Variants in TNKS1BP1 observed in about 807,000 individuals in gnomAD.
TNKS1BP1 encodes CCR4-NOT transcription complex subunit 12.
A neutral mutation model predicts 141.1 loss-of-function variants in TNKS1BP1; 48 were observed. The ratio of observed to expected loss-of-function variants is 0.34; its 90% CI spans 0.27 to 0.43. The LOEUF is 0.43. Among genes scored for constraint, TNKS1BP1 ranks in the 20% least tolerant of loss-of-function variants. The pLI, the probability that TNKS1BP1 is intolerant of heterozygous loss-of-function variation, is 1.00. For synonymous variants in TNKS1BP1, 875 were observed against 898.2 expected (o/e 0.97, Z 0.46); for missense variants, 2,149 against 2,226.0 (o/e 0.97, Z 0.70).
intron 4 of TNKS1BP1, among the ~76,000 whole-genome samples, chr11:57,316,063 T>A (rs1373697336): frequency 6.6e-6 from 1 of 152,194 alleles, no homozygotes; most frequent in African/African-American, 2.4e-5. Flanking sequence ...GTTCTTCTTG[T>A]CCCCTTCTCT....
At chr11:57,314,053 C>T (rs748587936) in intron 4 of TNKS1BP1, among the ~76,000 whole-genome samples, 164 bp from the exon 5 acceptor site, 18 of 152,156 alleles carry the variant, frequency 1.2e-4, no homozygotes, top group East Asian at 1.9e-4. Context: ...GCCCCACAGA[C>T]GACTCAAGGC....
chr11:57,312,496 G>A (rs1405255915), intron 5 of TNKS1BP1, 38 bp downstream of exon 5: 1 of 1,423,986 alleles, frequency 7.0e-7, no homozygotes. Flanking sequence ...CCTGGCCTCT[G>A]TCCCCAGAAG....
chr11:57,313,737 A>C lies in TNKS1BP1; in HGVS notation c.951T>G (p.Leu317=). ...PDKSSPCHSQ[L]LEAQTPEASQ... ...AAGCTTCAGGAGTCTGGGCTTCCAG[A>C]AGCTGTGAGTGGCAGGGAGAACTCT... Residue 317 remains leucine (L), a synonymous_variant, in exon 5 of 12, where the codon CTT becomes CTG. Coordinates refer to ENST00000358252, the MANE Select transcript of TNKS1BP1 (RefSeq NM_033396.3). 6.3e-7 allele frequency: 1 copy of C among 1,599,638 alleles called. No individual in the cohort carries two copies. The highest frequency in any genetic ancestry group is 8.5e-7 in the Non-Finnish European group (1 of 1,173,338).
chr11:57,301,935 C>T lies in TNKS1BP1; in HGVS notation c.4843G>A (p.Ala1615Thr), dbSNP rs778821904. ...HLFQDSTEPRASRVPSSDEEV... is the reference protein window; with the variant it reads ...HLFQDSTEPRTSRVPSSDEEV... ...TCATCTGAAGATGGCACCCGAGATG[C>T]CCGTGGCTCTGCAAAGGCCCGGGAA... Residue 1615 changes from alanine (A) to threonine (T), a missense_variant, in exon 9 of 12, where the codon GCA becomes ACA. Transcript: ENST00000358252. 1 of 1,613,778 alleles carries T rather than the reference C, an allele frequency of 6.2e-7. No homozygotes were observed. The highest frequency in any genetic ancestry group is 8.5e-7 in the Non-Finnish European group (1 of 1,179,788).
intron 10 of TNKS1BP1, 69 bp from the exon 11 acceptor site, chr11:57,300,669 T>C (rs577637022): frequency 6.9e-5 from 111 of 1,602,944 alleles, no homozygotes; most frequent in African/African-American, 6.2e-4. Flanking sequence ...GGAGACGTGA[T>C]AGGGACAGAA....
intron 1 of TNKS1BP1, chr11:57,322,340 C>G (rs1047797580): frequency 1.0e-6 from 1 of 986,984 alleles, no homozygotes; most frequent in African/African-American, 1.7e-5. Flanking sequence ...AATCACCTCA[C>G]GGGAGACGGG....
chr11:57,315,346 C>T (rs1337811269), intron 4 of TNKS1BP1, among the ~76,000 whole-genome samples: 2 of 152,004 alleles, frequency 1.3e-5, no homozygotes, highest in Non-Finnish European at 2.9e-5. Flanking sequence ...CCACTCCCCT[C>T]ATACCCTCAC....
In TNKS1BP1 at chr11:57,309,616, G is replaced by A; in HGVS notation, c.3095C>T (p.Thr1032Ile). 2 of 1,614,036 alleles carry A rather than the reference G, an allele frequency of 1.2e-6. No homozygotes were observed. The highest frequency in any genetic ancestry group is 1.1e-5 in the South Asian group (1 of 91,088). The change falls in exon 6 of 12, where the codon ACT becomes ATT. Residue 1032 changes from threonine to isoleucine, a missense_variant. Physicochemically the swap from Thr to Ile is moderately conservative, Grantham distance 89. Coordinates refer to ENST00000358252, the MANE Select transcript of TNKS1BP1 (RefSeq NM_033396.3). The surrounding 1 kb of genome is among the most constrained non-coding windows in gnomAD (Gnocchi z 4.3). ...GAGTGCCCCATCCGGCACGTGGGCA[G>A]TGCTAGGACTGAACAAGCCCCCGGA... The part of the protein sequence containing the change: ...RGSGGLFSPS[T>I]AHVPDGALGQ...
intron 2 of TNKS1BP1, 24 bp from the exon 3 acceptor site, chr11:57,320,736 G>A: frequency 6.5e-7 from 1 of 1,530,800 alleles, no homozygotes; most frequent in Non-Finnish European, 8.8e-7. Flanking sequence ...AGGGTTGGTG[G>A]GGGAGCTGTC....
intron 2 of TNKS1BP1, among the ~76,000 whole-genome samples, chr11:57,321,314 G>C (rs1855881734): frequency 6.6e-6 from 1 of 151,572 alleles, no homozygotes; most frequent in African/African-American, 2.4e-5. Flanking sequence ...ATCTGCTATG[G>C]GAAGAAAAAA....
chr11:57,322,677 C>G (rs1018110037), intron 1 of TNKS1BP1, among the ~76,000 whole-genome samples: 1 of 152,230 alleles, frequency 6.6e-6, no homozygotes, highest in Non-Finnish European at 1.5e-5. Flanking sequence ...CACTGGATTT[C>G]CAGGGCCTAG....
intron 1 of TNKS1BP1, among the ~76,000 whole-genome samples, chr11:57,323,105 G>A (rs140715111): frequency 4.0e-4 from 61 of 152,250 alleles, no homozygotes; most frequent in African/African-American, 1.3e-3. Context: ...AATAGGCTTA[G>A]CACAATGCCT....
chr11:57,322,140 C>G, intron 1 of TNKS1BP1, 190 bp from the exon 2 acceptor site: 1 of 1,054,510 alleles, frequency 9.5e-7, no homozygotes, highest in Non-Finnish European at 1.3e-6. Flanking sequence ...TTCAAAGATC[C>G]TCCCCAACTC....
chr11:57,321,341 A>G (rs1475695479), intron 2 of TNKS1BP1, among the ~76,000 whole-genome samples: 1 of 152,202 alleles, frequency 6.6e-6, no homozygotes, highest in Non-Finnish European at 1.5e-5. Context: ...AGGACCAGAA[A>G]TCTACCTTCT....
At chr11:57,307,982 G>A (rs1363243819) in intron 6 of TNKS1BP1, among the ~76,000 whole-genome samples, 1 of 152,194 alleles carries the variant, frequency 6.6e-6, no homozygotes, top group Non-Finnish European at 1.5e-5. Flanking sequence ...GGTGGCCCCA[G>A]CCAAGAAGAC....
chr11:57,318,427 G>C (rs899793570), intron 3 of TNKS1BP1, among the ~76,000 whole-genome samples: 4 of 152,196 alleles, frequency 2.6e-5, no homozygotes, highest in African/African-American at 7.2e-5. Flanking sequence ...CCTGGTCTGG[G>C]ACAGGCAAAG....
At chr11:57,318,149 C>T (rs981788950) in intron 3 of TNKS1BP1, among the ~76,000 whole-genome samples, 3 of 152,214 alleles carry the variant, frequency 2.0e-5, no homozygotes, top group African/African-American at 4.8e-5. Context: ...GGAAAAGCAT[C>T]CTGGATGCCC....
intron 6 of TNKS1BP1, among the ~76,000 whole-genome samples, chr11:57,304,636 A>ACTGC (rs1289094520): frequency 1.3e-5 from 2 of 152,106 alleles, no homozygotes; most frequent in Admixed American, 6.5e-5. Flanking sequence ...TTGGGAGGCC[A>ACTGC]AAACAGGCGG....
chr11:57,321,743 T>TGGGGGCC, intron 2 of TNKS1BP1, 49 bp downstream of exon 2: 2 of 1,186,778 alleles, frequency 1.7e-6, no homozygotes, highest in Non-Finnish European at 2.5e-6. Flanking sequence ...GCCTCTGTCC[T>TGGGGGCC]TCCCACCCCC....
Sources: gnomAD v4.1 joint callset for allele counts (sites outside exome capture counted in the v4.1 genomes callset) on GRCh38, gnomAD v4.1.1 for gene constraint, Gnocchi (gnomAD v3.1) non-coding constraint, MANE v1.5 for transcripts, NCBI Gene and HGNC (gene_info 2026-07-23, HGNC 2026-07-21) for gene names.